CLTCL1: variants seen among roughly 807,000 people sequenced by gnomAD.
CLTCL1 encodes clathrin heavy chain 2.
Under a neutral mutation model 190.0 loss-of-function variants are expected in CLTCL1, and 159 were observed. That is an observed-to-expected ratio of 0.84 (90% CI 0.74 to 0.95). The LOEUF (loss-of-function observed/expected upper bound fraction) is 0.95, where lower values mean the gene tolerates loss of function less well. Among genes scored for constraint, CLTCL1 ranks in the 40% least tolerant of loss-of-function variants. The pLI is 0.00. For missense variants in CLTCL1, 1,878 were observed against 2,033.4 expected (o/e 0.92, Z 1.47); for synonymous variants, 752 against 769.6 (o/e 0.98, Z 0.38).
intron 22 of CLTCL1, among the ~76,000 whole-genome samples, chr22:19,205,688 T>C (rs1265281185): frequency 6.6e-6 from 1 of 152,228 alleles, no homozygotes; most frequent in Non-Finnish European, 1.5e-5. Flanking sequence ...TAAAACTCTA[T>C]AGCTATATTT....
intron 2 of CLTCL1, among the ~76,000 whole-genome samples, chr22:19,270,594 G>A (rs542556814): frequency 4.9e-4 from 75 of 151,900 alleles, no homozygotes; most frequent in Non-Finnish European, 7.8e-4. Context: ...GGGTGTGATG[G>A]TGGGCACCTG....
At chr22:19,211,933 T>C (rs2085242510) in intron 19 of CLTCL1, among the ~76,000 whole-genome samples, 2 of 151,246 alleles carry the variant, frequency 1.3e-5, no homozygotes, top group Non-Finnish European at 2.9e-5. Context: ...TTCTATATAC[T>C]GACAATGTTT....
At chr22:19,248,751 T>C (rs782375286) in intron 3 of CLTCL1, among the ~76,000 whole-genome samples, 1 of 152,222 alleles carries the variant, frequency 6.6e-6, no homozygotes, top group African/African-American at 2.4e-5. Context: ...GGTTTCGCCA[T>C]GTTGGCCAGG....
At chr22:19,217,472 C>T (rs1253734681) in intron 18 of CLTCL1, among the ~76,000 whole-genome samples, 3 of 151,710 alleles carry the variant, frequency 2.0e-5, no homozygotes, top group East Asian at 3.9e-4. Context: ...AAAAAGTAGC[C>T]GGGCGTGGTG....
At chr22:19,202,127 G>C (rs1471642008) in intron 22 of CLTCL1, among the ~76,000 whole-genome samples, 1 of 151,948 alleles carries the variant, frequency 6.6e-6, no homozygotes, top group African/African-American at 2.4e-5. Context: ...CTGCAGCCCT[G>C]TCCATGCCCA....
At chr22:19,206,532 C>A (rs111599348) in intron 22 of CLTCL1, among the ~76,000 whole-genome samples, 3 of 152,110 alleles carry the variant, frequency 2.0e-5, no homozygotes, top group African/African-American at 7.2e-5. Context: ...TGTGAGCCAC[C>A]GTGCCCAGCC....
At chr22:19,193,422 G>A (rs1321311506) in intron 26 of CLTCL1, among the ~76,000 whole-genome samples, 1 of 152,130 alleles carries the variant, frequency 6.6e-6, no homozygotes, top group Non-Finnish European at 1.5e-5. Context: ...GGGCCCCTCT[G>A]GAGCGTCCTC....
intron 18 of CLTCL1, among the ~76,000 whole-genome samples, chr22:19,217,773 G>A (rs564013521): frequency 2.0e-5 from 3 of 151,570 alleles, no homozygotes; most frequent in Non-Finnish European, 4.4e-5. Flanking sequence ...ACTTGAACCT[G>A]GGAAGTGGAG....
chr22:19,244,005 T>C (rs372641149), intron 3 of CLTCL1, among the ~76,000 whole-genome samples: 3 of 152,286 alleles, frequency 2.0e-5, no homozygotes, highest in South Asian at 2.1e-4. Context: ...CCAGAACTTA[T>C]ATTTTCTACT....
At chr22:19,219,806 T>C (rs1225764855) in intron 18 of CLTCL1, 79 bp downstream of exon 18, 2 of 1,593,230 alleles carry the variant, frequency 1.3e-6, no homozygotes, top group Admixed American at 3.4e-5. Flanking sequence ...AAATTAAAAA[T>C]GAAACCAGTC....
At chr22:19,185,328 T>C (rs1205597375) in intron 29 of CLTCL1, among the ~76,000 whole-genome samples, 1 of 144,268 alleles carries the variant, frequency 6.9e-6, no homozygotes, top group African/African-American at 2.6e-5. Context: ...GCCACTTTCT[T>C]TTTTTTTTTT....
rs782593248 is a variant in CLTCL1, at chr22:19,291,691, C to A, written c.-50G>T. Reference sequence around the variant, plus strand: ...GCGGCGGCAGCGGCAGGAATGAACGCCGACCCCTCGCGCGGGCTGACCGGT... The same window carrying A: ...GCGGCGGCAGCGGCAGGAATGAACGACGACCCCTCGCGCGGGCTGACCGGT... On this transcript the variant is annotated 5_prime_UTR_variant, in exon 1 of 33. Transcript: ENST00000427926. The A allele has an allele frequency of 1.1e-5, 14 of 1,327,300 alleles. No individual in the cohort carries two copies. The highest frequency in any genetic ancestry group is 2.4e-4 in the Middle Eastern group (1 of 4,238). 82.2% of individuals were successfully genotyped at this position (1,327,300 alleles called of 1,614,324 possible).
intron 1 of CLTCL1, among the ~76,000 whole-genome samples, chr22:19,280,819 A>T (rs1555986173): frequency 2.5e-5 from 2 of 79,332 alleles, no homozygotes; most frequent in African/African-American, 7.6e-5. Context: ...ACTCCATCTC[A>T]AAAAAAAAAA....
chr22:19,187,860 C>T, intron 28 of CLTCL1, 121 bp downstream of exon 28: 2 of 1,322,712 alleles, frequency 1.5e-6, no homozygotes, highest in Middle Eastern at 1.9e-4. Flanking sequence ...CATATATCCA[C>T]TGGTGTCCTG....
chr22:19,285,846 T>A (rs2146382970), intron 1 of CLTCL1, among the ~76,000 whole-genome samples: 1 of 152,256 alleles, frequency 6.6e-6, no homozygotes, highest in Admixed American at 6.5e-5. Flanking sequence ...ATAAACAACA[T>A]GTCAGATAGA....
At chr22:19,280,927 G>A (rs2087687752) in intron 1 of CLTCL1, among the ~76,000 whole-genome samples, 1 of 152,044 alleles carries the variant, frequency 6.6e-6, no homozygotes, top group Non-Finnish European at 1.5e-5. Flanking sequence ...AAAAGTAGAT[G>A]GGGTTGGGGG....
Position 19,235,771 on chromosome 22 carries a change from A to T in CLTCL1, c.894T>A (p.Ile298=). The change falls in exon 6 of 33, where the codon ATT becomes ATA. Residue 298 remains isoleucine (I), a synonymous_variant. Coordinates refer to ENST00000427926, the MANE Select transcript of CLTCL1 (RefSeq NM_007098.4). The part of the protein sequence containing the change: ...ESGVCICMNR[I]SADTIFVTAP... ...CAGTGACAAATATTGTGTCAGCACTAATACGGTTCATGCAGATGCACACGC... is the reference window on the plus strand; with the variant it reads ...CAGTGACAAATATTGTGTCAGCACTTATACGGTTCATGCAGATGCACACGC... 6.2e-7 allele frequency: 1 copy of T among 1,614,008 alleles called. No individual in the cohort carries two copies. The highest frequency in any genetic ancestry group is 8.5e-7 in the Non-Finnish European group (1 of 1,179,884).
At chr22:19,267,606 G>A (rs1396428758) in intron 2 of CLTCL1, among the ~76,000 whole-genome samples, 2 of 152,162 alleles carry the variant, frequency 1.3e-5, no homozygotes, top group African/African-American at 2.4e-5. Flanking sequence ...AATGGGCACA[G>A]ATCTGGGTCG....
intron 30 of CLTCL1, chr22:19,183,137 G>A: frequency 2.1e-6 from 1 of 482,944 alleles, no homozygotes; most frequent in Non-Finnish European, 3.8e-6. Context: ...TGGGACAGCT[G>A]CCCAGCCAGA....
Sources: gnomAD v4.1 joint callset for allele counts (sites outside exome capture counted in the v4.1 genomes callset) on GRCh38, gnomAD v4.1.1 for gene constraint, MANE v1.5 for transcripts, NCBI Gene and HGNC (gene_info 2026-07-23, HGNC 2026-07-21) for gene names.